Variants in BAZ2B observed in about 807,000 individuals in gnomAD.
BAZ2B encodes bromodomain adjacent to zinc finger domain 2B.
A neutral mutation model predicts 246.0 loss-of-function variants in BAZ2B; 91 were observed. The observed-to-expected ratio is 0.37, with a 90% CI of 0.31 to 0.44. BAZ2B has a LOEUF of 0.44. Ranked by LOEUF, BAZ2B falls within the 20% of genes least tolerant of loss-of-function variation. The pLI is 1.00. For synonymous variants in BAZ2B, 855 were observed against 860.0 expected, an observed-to-expected ratio of 0.99 and a Z score of 0.10; for missense variants, 2,332 against 2,533.7, an observed-to-expected ratio of 0.92 and a Z score of 1.71.
At position 159,397,012 on chromosome 2, in the gene BAZ2B, C is replaced by T. The variant is rs907751245; in HGVS notation, c.3009+333G>A. 7.9e-6 allele frequency: 10 copies of T among 1,267,410 alleles called. No homozygotes were observed. The African/African-American group carries it at 1.2e-4, about 15-fold the overall frequency. The allele number at this position is 1,267,410 out of a possible 1,614,324, so 78.5% of individuals were successfully genotyped here. ...TGCTACACTTTATGCATTGCTATGA[C>T]AACCATATCACAACCAAATCACAAT... is the stretch of plus-strand genomic sequence containing the variant. On this transcript the variant is annotated intron_variant, in intron 19 of 36. Coordinates refer to ENST00000392783, the MANE Select transcript of BAZ2B (RefSeq NM_013450.4).
chr2:159,648,727 T>C, the BAZ2B span, among the ~76,000 whole-genome samples: 1 of 152,222 alleles, frequency 6.6e-6, no homozygotes. Flanking sequence ...TGGGTTAATA[T>C]TTAGATTTTT....
intron 4 of BAZ2B, among the ~76,000 whole-genome samples, 167 bp downstream of exon 4, chr2:159,453,446 G>A (rs1248723301): frequency 6.6e-6 from 1 of 152,040 alleles, no homozygotes; most frequent in Non-Finnish European, 1.5e-5. Context: ...ACACACTTAG[G>A]GTGTTTAATT....
At chr2:159,562,607 G>A (rs544810255) in intron 1 of BAZ2B, among the ~76,000 whole-genome samples, 1 of 152,128 alleles carries the variant, frequency 6.6e-6, no homozygotes, top group Non-Finnish European at 1.5e-5. Flanking sequence ...CAATCACTTG[G>A]GTGAAGTAAT....
intron 27 of BAZ2B, among the ~76,000 whole-genome samples, chr2:159,372,029 C>A (rs952877068): frequency 2.0e-5 from 3 of 152,058 alleles, no homozygotes; most frequent in African/African-American, 7.2e-5. Context: ...ATAACATTTT[C>A]ATTTAAAAAA....
intron 1 of BAZ2B, among the ~76,000 whole-genome samples, chr2:159,560,832 C>A (rs2089779640): frequency 6.6e-6 from 1 of 151,928 alleles, no homozygotes; most frequent in South Asian, 2.1e-4. Context: ...CGGCTAAAAC[C>A]CTAACTTGCT....
At chr2:159,668,866 G>T in the BAZ2B span, among the ~76,000 whole-genome samples, 1 of 152,050 alleles carries the variant, frequency 6.6e-6, no homozygotes, top group African/African-American at 2.4e-5. Flanking sequence ...AGACCAGCCT[G>T]GGCAACATGG....
At chr2:159,439,826 C>G (rs1425003960) in intron 6 of BAZ2B, among the ~76,000 whole-genome samples, 3 of 151,840 alleles carry the variant, frequency 2.0e-5, no homozygotes, top group African/African-American at 7.3e-5. Flanking sequence ...AGGAATTTAA[C>G]TGTTTATGTT....
intron 1 of BAZ2B, among the ~76,000 whole-genome samples, chr2:159,596,281 C>T (rs574904179): frequency 6.6e-6 from 1 of 152,188 alleles, no homozygotes; most frequent in East Asian, 1.9e-4. Context: ...ATTTTAAGCG[C>T]TTATTTACTG....
intron 16 of BAZ2B, chr2:159,404,518 T>C: frequency 5.4e-6 from 1 of 184,058 alleles, no homozygotes; most frequent in Middle Eastern, 2.2e-3. Flanking sequence ...TTATTAAAAT[T>C]TGAACATTCG....
At chr2:159,444,847 T>G (rs1266235595) in intron 6 of BAZ2B, 3 of 152,496 alleles carry the variant, frequency 2.0e-5, no homozygotes, top group Admixed American at 1.3e-4. Flanking sequence ...GCAGTTTTTA[T>G]AAAACACAGA....
intron 3 of BAZ2B, among the ~76,000 whole-genome samples, chr2:159,474,048 G>C (rs904334560): frequency 2.0e-5 from 3 of 152,150 alleles, no homozygotes; most frequent in Non-Finnish European, 4.4e-5. Context: ...TTGATTTGGG[G>C]TGGAGAGTTC....
chr2:159,710,792 G>A, the BAZ2B span: 1 of 152,282 alleles, frequency 6.6e-6, no homozygotes, highest in Non-Finnish European at 1.5e-5. Context: ...CCAGGTTTGG[G>A]AGTTCTGTAG....
intron 20 of BAZ2B, among the ~76,000 whole-genome samples, chr2:159,393,630 T>G (rs985059005): frequency 5.9e-5 from 9 of 151,846 alleles, no homozygotes; most frequent in Non-Finnish European, 1.0e-4. Context: ...TTCTGTTTCT[T>G]TTTGCTTAGG....
intron 2 of BAZ2B, among the ~76,000 whole-genome samples, chr2:159,542,820 CAG>C (rs139457099): frequency 0.075 from 11,368 of 151,974 alleles, 590 homozygotes; most frequent in Middle Eastern, 0.14. Context: ...GAAAATAAAA[CAG>C]AAATTAAGAC....
intron 17 of BAZ2B, 134 bp downstream of exon 17, chr2:159,400,465 T>A: frequency 1.7e-6 from 1 of 584,338 alleles, no homozygotes; most frequent in Non-Finnish European, 3.0e-6. Flanking sequence ...AAAGTTTTAT[T>A]CTATGCAGAA....
chr2:159,673,449 C>T, the BAZ2B span, among the ~76,000 whole-genome samples: 4 of 152,106 alleles, frequency 2.6e-5, no homozygotes, highest in Admixed American at 6.6e-5. Flanking sequence ...AATTTGGCAA[C>T]GTCAAACAAA....
chr2:159,568,798 T>A (rs1683242368), intron 1 of BAZ2B, among the ~76,000 whole-genome samples: 1 of 152,202 alleles, frequency 6.6e-6, no homozygotes, highest in African/African-American at 2.4e-5. Context: ...TAATTGTGAT[T>A]CTTAAGAGCT....
intron 9 of BAZ2B, among the ~76,000 whole-genome samples, chr2:159,431,637 T>G (rs2071131782): frequency 1.3e-5 from 2 of 152,204 alleles, no homozygotes; most frequent in Non-Finnish European, 2.9e-5. Context: ...CTGCAGTTTT[T>G]CTATTTACAT....
chr2:159,514,257 A>G (rs1166749964), intron 2 of BAZ2B, among the ~76,000 whole-genome samples: 1 of 152,186 alleles, frequency 6.6e-6, no homozygotes, highest in African/African-American at 2.4e-5. Flanking sequence ...TGTACCTAGA[A>G]CACCACACAA....
Sources: allele counts gnomAD v4.1 joint callset (sites outside exome capture counted in the v4.1 genomes callset), GRCh38; gene constraint gnomAD v4.1.1; transcripts MANE v1.5; gene names NCBI Gene and HGNC (gene_info 2026-07-23, HGNC 2026-07-21).